The following CRYBG3 variants were observed in gnomAD, a reference collection of about 807,000 sequenced individuals.
CRYBG3 encodes crystallin beta-gamma domain containing 3.
Under a neutral mutation model 244.2 loss-of-function variants are expected in CRYBG3, and 127 were observed. The ratio of observed to expected loss-of-function variants is 0.52; its 90% CI spans 0.45 to 0.60. The LOEUF (loss-of-function observed/expected upper bound fraction) is 0.60. Ranked by LOEUF, CRYBG3 falls within the 20% of genes least tolerant of loss-of-function variation. The pLI, the probability that CRYBG3 is intolerant of heterozygous loss-of-function variation, is 0.00. For synonymous variants in CRYBG3, 1,132 were observed against 1,195.8 expected (o/e 0.95, Z 1.10); for missense variants, 3,325 against 3,442.5 (o/e 0.97, Z 0.85).
chr3:97,892,072 A>C (rs946658496), intron 10 of CRYBG3, among the ~76,000 whole-genome samples: 2 of 152,132 alleles, frequency 1.3e-5, no homozygotes, highest in Non-Finnish European at 2.9e-5. Flanking sequence ...TTTCAGGATC[A>C]TACGGGTAAA....
At chr3:97,896,358 C>T (rs1268571838) in intron 12 of CRYBG3, among the ~76,000 whole-genome samples, 1 of 152,140 alleles carries the variant, frequency 6.6e-6, no homozygotes, top group African/African-American at 2.4e-5. Flanking sequence ...CACATTTACA[C>T]AGCAGGCAGT....
chr3:97,858,518 A>G (rs2039099192), intron 2 of CRYBG3, among the ~76,000 whole-genome samples: 1 of 151,932 alleles, frequency 6.6e-6, no homozygotes, highest in Non-Finnish European at 1.5e-5. Flanking sequence ...GGCTTTCCTT[A>G]TTCCTTTTTA....
rs1315467906 is a variant in CRYBG3 at position 97,877,878 on chromosome 3, A to G, written c.6684A>G (p.Lys2228=). Reference sequence around the variant, plus strand: ...TCCAGAAATCTGACCTTACTTCTAAACTACATTCTTCTTTAAAGAGTGCTT... The same window carrying G: ...TCCAGAAATCTGACCTTACTTCTAAGCTACATTCTTCTTTAAAGAGTGCTT... ...SFLQKSDLTS[K]LHSSLKSAYH... The change falls in exon 4 of 22, where the codon AAA becomes AAG. Residue 2228 remains lysine (K), a synonymous_variant. Transcript: ENST00000389622. The G allele has an allele frequency of 6.2e-7, 1 of 1,614,106 alleles. No individual in the cohort carries two copies. Among genetic ancestry groups the G allele is most frequent in the South Asian group, 1.1e-5 (1 of 91,066 alleles).
chr3:97,856,179 C>T (rs185668272), intron 2 of CRYBG3, among the ~76,000 whole-genome samples: 6 of 152,102 alleles, frequency 3.9e-5, no homozygotes, highest in African/African-American at 1.2e-4. Flanking sequence ...AAGAATTCAG[C>T]GATATTTCTC....
Position 97,877,399 on chromosome 3 carries a change from A to C in CRYBG3, c.6205A>C (p.Met2069Leu), listed in dbSNP as rs368944760. Residue 2069 changes from methionine (M) to leucine (L), a missense_variant, in exon 4 of 22, where the codon ATG becomes CTG. Transcript: ENST00000389622. ...GACATTTGATAGTGATAGTTCAGAA[A>C]TGTTCTTATCAGTGGAGGCCAAAAG... ...GETFDSDSSE[M>L]FLSVEAKRYK... is the part of the protein sequence containing the mutation. 1.2e-6 allele frequency: 2 copies of C among 1,614,144 alleles called. No individual in the cohort carries two copies. Among genetic ancestry groups the C allele is most frequent in the Non-Finnish European group, 1.7e-6 (2 of 1,180,022 alleles).
At chr3:97,837,258 G>T (rs2038747468) in intron 1 of CRYBG3, among the ~76,000 whole-genome samples, 1 of 152,130 alleles carries the variant, frequency 6.6e-6, no homozygotes, top group African/African-American at 2.4e-5. Context: ...TTAAGGGAAG[G>T]ATAGATTCTG....
At chr3:97,827,795 A>G (rs2038597925) in intron 1 of CRYBG3, among the ~76,000 whole-genome samples, 1 of 152,142 alleles carries the variant, frequency 6.6e-6, no homozygotes, top group African/African-American at 2.4e-5. Context: ...AAAGTCTCAC[A>G]ATATTGGTAG....
At chr3:97,840,034 G>A (rs984788152) in intron 1 of CRYBG3, among the ~76,000 whole-genome samples, 1 of 152,024 alleles carries the variant, frequency 6.6e-6, no homozygotes, top group African/African-American at 2.4e-5. Flanking sequence ...GATAAAGAGT[G>A]GCAAATATGT....
chr3:97,880,666 C>T (rs1389926399), intron 6 of CRYBG3, among the ~76,000 whole-genome samples: 3 of 152,102 alleles, frequency 2.0e-5, no homozygotes, highest in South Asian at 2.1e-4. Context: ...GGTGTAATCT[C>T]GTCTTCATAT....
intron 2 of CRYBG3, among the ~76,000 whole-genome samples, chr3:97,858,304 A>G (rs1048104772): frequency 6.6e-6 from 1 of 152,002 alleles, no homozygotes; most frequent in Middle Eastern, 3.4e-3. Flanking sequence ...CTATTTTTAG[A>G]AATATTTGCT....
At chr3:97,834,719 A>G (rs960933501) in intron 1 of CRYBG3, among the ~76,000 whole-genome samples, 1 of 152,134 alleles carries the variant, frequency 6.6e-6, no homozygotes, top group Non-Finnish European at 1.5e-5. Flanking sequence ...CAAATAAAAA[A>G]TTTTTGGCAA....
chr3:97,889,812 C>A (rs1476835657), intron 10 of CRYBG3, among the ~76,000 whole-genome samples: 1 of 151,920 alleles, frequency 6.6e-6, no homozygotes, highest in African/African-American at 2.4e-5. Context: ...AGGTAGATGG[C>A]AGTTTGTAAG....
chr3:97,900,153 GC>G (rs5851084), intron 14 of CRYBG3, among the ~76,000 whole-genome samples: 67,378 of 151,904 alleles, frequency 0.44, 16,152 homozygotes, highest in East Asian at 0.67. Flanking sequence ...TTCGACACCA[GC>G]CTGAGCAACA....
chr3:97,909,510 G>A (rs1477794660), intron 15 of CRYBG3, among the ~76,000 whole-genome samples: 35 of 147,996 alleles, frequency 2.4e-4, no homozygotes, highest in South Asian at 6.7e-4. Context: ...ATCTTCCATC[G>A]CTGATACCCT....
chr3:97,922,014 C>T (rs1392031065), intron 17 of CRYBG3, among the ~76,000 whole-genome samples: 1 of 152,086 alleles, frequency 6.6e-6, no homozygotes, highest in African/African-American at 2.4e-5. Flanking sequence ...AAAATTAAGA[C>T]TGTGATAACA....
At chr3:97,884,425 T>C (rs2039484870) in intron 7 of CRYBG3, among the ~76,000 whole-genome samples, 1 of 152,156 alleles carries the variant, frequency 6.6e-6, no homozygotes, top group Non-Finnish European at 1.5e-5. Flanking sequence ...AGGTATCTTA[T>C]ATAAGGTAGA....
In CRYBG3 at chr3:97,845,307, A is replaced by G. The variant is rs550384509; in HGVS notation, c.216+2046A>G. ...ATTGTTGGTTGCAAGACAAGTTTGA[A>G]CTACAAAAATTAACTGTATTTTTAA... On this transcript the variant is annotated intron_variant, in intron 2 of 21. Coordinates refer to ENST00000389622, the MANE Select transcript of CRYBG3 (RefSeq NM_153605.4). Among the ~76,000 whole-genome samples the G allele has an allele frequency of 3.3e-5, 5 of 152,288 alleles. No homozygotes were observed. The South Asian group carries it at 8.3e-4, about 25-fold the overall frequency.
At chr3:97,852,749 C>T (rs192337054) in intron 2 of CRYBG3, among the ~76,000 whole-genome samples, 1 of 152,240 alleles carries the variant, frequency 6.6e-6, no homozygotes, top group African/African-American at 2.4e-5. Context: ...GGAGCAACCT[C>T]CATACTGTTT....
chr3:97,834,553 G>A (rs2038703738), intron 1 of CRYBG3, among the ~76,000 whole-genome samples: 1 of 152,088 alleles, frequency 6.6e-6, no homozygotes, highest in Admixed American at 6.6e-5. Context: ...TTTAATAACT[G>A]GGGACAAATT....
Sources: allele counts gnomAD v4.1 joint callset (sites outside exome capture counted in the v4.1 genomes callset), GRCh38; gene constraint gnomAD v4.1.1; transcripts MANE v1.5; gene names NCBI Gene and HGNC (gene_info 2026-07-23, HGNC 2026-07-21).